Variants in KDR observed in about 807,000 individuals in gnomAD.
The protein encoded by KDR is kinase insert domain receptor, also known as vascular endothelial growth factor receptor 2.
KDR carries 43 observed loss-of-function variants against 160.9 expected under a neutral mutation model. That is an observed-to-expected ratio of 0.27 (90% CI 0.21 to 0.34). The LOEUF (loss-of-function observed/expected upper bound fraction) is 0.34. KDR is among the 10% of genes least tolerant of loss of function. The pLI, the probability that KDR is intolerant of heterozygous loss-of-function variation, is 1.00. For synonymous variants in KDR, 617 were observed against 600.1 expected, an observed-to-expected ratio of 1.03 and a Z score of -0.41; for missense variants, 1,469 against 1,666.4, an observed-to-expected ratio of 0.88 and a Z score of 2.06.
chr4:55,089,284 TGAA>T, intron 25 of KDR, 87 bp downstream of exon 25: 1 of 907,142 alleles, frequency 1.1e-6, no homozygotes. Context: ...AACTGGGCAA[TGAA>T]GAAGGTCTAT....
chr4:55,100,466 T>C lies in KDR; in HGVS notation c.2266+1431A>G, dbSNP rs370959349. Among the ~76,000 whole-genome samples the C allele has an allele frequency of 9.2e-5, 14 of 152,292 alleles. No individual in the cohort carries two copies. The South Asian group carries it at 1.7e-3, about 18-fold the overall frequency. ...TATCTAGCTCTGCCTTTCTTAGCAT[T>C]CACTCCAGGTAAGAAGTAACTATAA... On this transcript the variant is annotated intron_variant, in intron 15 of 29. Transcript: ENST00000263923.
At chr4:55,121,354 G>A (rs1053078418) in intron 1 of KDR, among the ~76,000 whole-genome samples, 164 bp from the exon 2 acceptor site, 1 of 152,214 alleles carries the variant, frequency 6.6e-6, no homozygotes, top group Non-Finnish European at 1.5e-5. Context: ...AAGTTCACAA[G>A]CTGTGTCATA....
At chr4:55,085,562 C>T (rs1026287083) in intron 27 of KDR, among the ~76,000 whole-genome samples, 3 of 152,182 alleles carry the variant, frequency 2.0e-5, no homozygotes, top group African/African-American at 7.2e-5. Flanking sequence ...ATGAAGCATG[C>T]CGTGTGCAAA....
intron 20 of KDR, 36 bp from the exon 21 acceptor site, chr4:55,094,991 A>G: frequency 6.3e-7 from 1 of 1,599,932 alleles, no homozygotes; most frequent in Non-Finnish European, 8.6e-7. Flanking sequence ...AACTCCTTGA[A>G]TACAAAATGA....
At chr4:55,119,926 A>G (rs1442129668) in intron 2 of KDR, among the ~76,000 whole-genome samples, 1 of 152,228 alleles carries the variant, frequency 6.6e-6, no homozygotes, top group Non-Finnish European at 1.5e-5. Context: ...AGCTAAATCA[A>G]TGAAGTTACT....
rs764370685 is a variant in KDR at position 55,104,869 on chromosome 4, G to A, written c.1761C>T (p.Gly587=). The part of the protein sequence containing the change: ...TFENLTWYKL[G]PQPLPIHVGE... ...CCACATGGATTGGCAGAGGCTGTGG[G>A]CCAAGCTTGTACCATGTGAGGTTCT... is the stretch of plus-strand genomic sequence containing the variant. Residue 587 remains glycine, a synonymous_variant, in exon 13 of 30, where the codon GGC becomes GGT. Coordinates refer to ENST00000263923, the MANE Select transcript of KDR (RefSeq NM_002253.4). 3.7e-6 allele frequency: 6 copies of A among 1,613,964 alleles called. No homozygotes were observed. The highest frequency in any genetic ancestry group is 5.1e-6 in the Non-Finnish European group (6 of 1,179,900).
Position 55,078,869 on chromosome 4 carries a change from A to T in KDR, c.*1072T>A. ...AATCATTCAGAGAGTGAACAAACCC[A>T]ATCAGGTTTACTGGAGTAGAGGCCA... On this transcript the variant is annotated 3_prime_UTR_variant, in exon 30 of 30. Transcript: ENST00000263923. The T allele has an allele frequency of 4.3e-6, 1 of 233,286 alleles. No individual in the cohort carries two copies. Among genetic ancestry groups the T allele is most frequent in the Non-Finnish European group, 8.5e-6 (1 of 118,040 alleles). 14.5% of individuals were successfully genotyped at this position (233,286 alleles called of 1,614,324 possible).
At position 55,089,486 on chromosome 4, in the gene KDR, A is replaced by C; in HGVS notation, c.3305-13T>G. 1 of 1,579,756 alleles carries C rather than the reference A, an allele frequency of 6.3e-7. No homozygotes were observed. Among genetic ancestry groups the C allele is most frequent in the Non-Finnish European group, 8.7e-7 (1 of 1,149,438 alleles). On this transcript the variant is annotated splice_polypyrimidine_tract_variant and intron_variant, in intron 24 of 29. Coordinates refer to ENST00000263923, the MANE Select transcript of KDR (RefSeq NM_002253.4). ...TATGGAGAAGCACCTAGAATAAAAC[A>C]GGGAGGAGACATTCTTTGATTTGAT...
rs544496628 is a variant in KDR, at chr4:55,097,699, T to C, written c.2577A>G (p.Thr859=). ...TGACTGCTACTGTCCTGCAAGTTGC[T>C]GTCTTGTCAATTCCAAAGGCATCTG... ...IEADAFGIDK[T]ATCRTVAVKM... is the part of the protein sequence containing the mutation. Residue 859 remains threonine (T), a synonymous_variant, in exon 18 of 30, where the codon ACA becomes ACG. Coordinates refer to ENST00000263923, the MANE Select transcript of KDR (RefSeq NM_002253.4). The C allele has an allele frequency of 1.2e-5, 19 of 1,613,540 alleles. No individual in the cohort carries two copies. In the African/African-American group the frequency reaches 2.4e-4, roughly 20 times the overall value.
chr4:55,102,617 A>T, intron 13 of KDR, 109 bp from the exon 14 acceptor site: 1 of 1,178,658 alleles, frequency 8.5e-7, no homozygotes, highest in Non-Finnish European at 1.2e-6. Flanking sequence ...GAACTTGTTG[A>T]TATATTAACT....
chr4:55,091,031 T>G (rs1720000136), intron 22 of KDR, among the ~76,000 whole-genome samples: 1 of 152,052 alleles, frequency 6.6e-6, no homozygotes, highest in South Asian at 2.1e-4. Context: ...TATTATATTT[T>G]TAGTAGAGAC....
At chr4:55,116,585 C>T (rs11133360) in intron 3 of KDR, among the ~76,000 whole-genome samples, 77,070 of 151,878 alleles carry the variant, frequency 0.51, 19,893 homozygotes, top group South Asian at 0.68. Context: ...CCAACACATC[C>T]CATCAAGCAT....
chr4:55,088,829 G>T, intron 26 of KDR, 39 bp downstream of exon 26: 2 of 1,387,892 alleles, frequency 1.4e-6, no homozygotes, highest in Non-Finnish European at 2.1e-6. Context: ...TGACATCTAA[G>T]TACTCTTTGT....
At chr4:55,115,070 T>A in intron 4 of KDR, 28 bp from the exon 5 acceptor site, 6 of 1,578,470 alleles carry the variant, frequency 3.8e-6, no homozygotes, top group Non-Finnish European at 5.2e-6. Flanking sequence ...ATATCAAATA[T>A]TTAATCCAGT....
chr4:55,102,602 A>G, intron 13 of KDR, 94 bp from the exon 14 acceptor site: 3 of 1,356,526 alleles, frequency 2.2e-6, no homozygotes, highest in East Asian at 4.7e-5. Context: ...AAATTTAGTA[A>G]AAAGGAACTT....
At chr4:55,092,249 C>T (rs1720036639) in intron 22 of KDR, 2 of 305,946 alleles carry the variant, frequency 6.5e-6, no homozygotes, top group African/African-American at 4.3e-5. Context: ...ATAGCATTTA[C>T]TCTCATCTAA....
intron 15 of KDR, 147 bp from the exon 16 acceptor site, chr4:55,098,950 A>C: frequency 1.9e-6 from 1 of 513,234 alleles, no homozygotes; most frequent in Non-Finnish European, 3.6e-6. Context: ...CCGTAACTTG[A>C]ATGGAGTCTA....
At chr4:55,104,003 G>T (rs1033148244) in intron 13 of KDR, among the ~76,000 whole-genome samples, 5 of 152,110 alleles carry the variant, frequency 3.3e-5, no homozygotes, top group African/African-American at 1.2e-4. Context: ...TGAAGTGATC[G>T]TCCCATTGAC....
In KDR at chr4:55,110,754, C is replaced by T. The variant is rs774043818; in HGVS notation, c.991G>A (p.Ala331Thr). The change falls in exon 8 of 30, where the codon GCT becomes ACT. Residue 331 changes from alanine (A) to threonine (T), a missense_variant. Around this residue, in one of 7 missense-constraint regions of KDR, gnomAD observed 792 missense variants for 840.9 expected, o/e 0.94. Coordinates refer to ENST00000263923, the MANE Select transcript of KDR (RefSeq NM_002253.4). Reference protein sequence around the residue: ...FVRVHEKPFVAFGSGMESLVE... With the variant: ...FVRVHEKPFVTFGSGMESLVE... Reference sequence around the variant, plus strand: ...AGAGATTCCATGCCACTTCCAAAAGCAACAAAAGGTTTTTCTGGAAGAAAA... The same window carrying T: ...AGAGATTCCATGCCACTTCCAAAAGTAACAAAAGGTTTTTCTGGAAGAAAA... 6.3e-7 allele frequency: 1 copy of T among 1,590,006 alleles called. No individual in the cohort carries two copies. The highest frequency in any genetic ancestry group is 2.3e-5 in the East Asian group (1 of 44,132).
Sources: gnomAD v4.1 joint callset for allele counts (sites outside exome capture counted in the v4.1 genomes callset) on GRCh38, gnomAD v4.1.1 for gene constraint, gnomAD v4.1.1 regional missense constraint, MANE v1.5 for transcripts, NCBI Gene and HGNC (gene_info 2026-07-23, HGNC 2026-07-21) for gene names.